Variants in SLC8A1 observed in about 807,000 individuals in gnomAD.
SLC8A1 encodes sodium/calcium exchanger 1.
SLC8A1 carries 18 observed loss-of-function variants against 68.3 expected under a neutral mutation model. The observed-to-expected ratio is 0.26, with a 90% confidence interval of 0.18 to 0.39. The LOEUF is 0.39. Ranked by LOEUF, SLC8A1 falls within the 10% of genes least tolerant of loss-of-function variation. The probability of loss-of-function intolerance (pLI) is 1.00; values close to 1 mark genes in which losing one functional copy is unlikely to be tolerated. For synonymous variants in SLC8A1, 475 were observed against 415.5 expected, an observed-to-expected ratio of 1.14 and a Z score of -1.74; for missense variants, 985 against 1,156.7, an observed-to-expected ratio of 0.85 and a Z score of 2.15.
chr2:40,299,234 A>G (rs1464189261), intron 2 of SLC8A1, among the ~76,000 whole-genome samples: 4 of 152,132 alleles, frequency 2.6e-5, no homozygotes, highest in Admixed American at 6.5e-5. Context: ...ATTTGTTTCT[A>G]CATCTCCTGG....
intron 2 of SLC8A1, among the ~76,000 whole-genome samples, chr2:40,240,459 A>C (rs557565492): frequency 3.9e-5 from 6 of 152,134 alleles, no homozygotes; most frequent in Non-Finnish European, 8.8e-5. Flanking sequence ...CATTATTTGG[A>C]TTGGTTAAGA....
intron 7 of SLC8A1, among the ~76,000 whole-genome samples, chr2:40,132,731 C>T (rs1439812198): frequency 6.6e-6 from 1 of 151,736 alleles, no homozygotes; most frequent in African/African-American, 2.4e-5. Flanking sequence ...AAAAAAATAT[C>T]ATTTTCAGGG....
chr2:40,210,455 G>A (rs941651979), intron 2 of SLC8A1, among the ~76,000 whole-genome samples: 13 of 152,284 alleles, frequency 8.5e-5, no homozygotes, highest in Non-Finnish European at 1.8e-4. Flanking sequence ...AGACTGGCAT[G>A]ACTTTTAAAC....
exon 2 of SLC8A1, chr2:40,429,117 C>T (rs1354680307): frequency 1.2e-6 from 2 of 1,613,066 alleles, no homozygotes; most frequent in Admixed American, 1.7e-5. Flanking sequence ...TGACAGCCTT[C>T]CTTGCTTGGT....
chr2:40,152,966 C>T (rs1054775426), intron 6 of SLC8A1, among the ~76,000 whole-genome samples: 3 of 151,812 alleles, frequency 2.0e-5, no homozygotes, highest in East Asian at 1.9e-4. Flanking sequence ...GGAGGAGACC[C>T]CATCTTTTTT....
At chr2:40,335,933 T>A (rs1665833271) in intron 2 of SLC8A1, among the ~76,000 whole-genome samples, 1 of 152,220 alleles carries the variant, frequency 6.6e-6, no homozygotes, top group African/African-American at 2.4e-5. Context: ...AGTTGGTATA[T>A]GAACCAAGTA....
intron 2 of SLC8A1, among the ~76,000 whole-genome samples, chr2:40,404,930 C>T (rs966750872): frequency 1.3e-5 from 2 of 152,128 alleles, no homozygotes; most frequent in African/African-American, 4.8e-5. Flanking sequence ...CCCATGAAAG[C>T]TTGTGGGTAA....
chr2:40,119,739 T>C (rs1278567630), intron 7 of SLC8A1, among the ~76,000 whole-genome samples: 1 of 152,244 alleles, frequency 6.6e-6, no homozygotes, highest in Non-Finnish European at 1.5e-5. Flanking sequence ...CCTTCATCTA[T>C]GTCCCTGGCT....
intron 2 of SLC8A1, among the ~76,000 whole-genome samples, chr2:40,339,386 C>G (rs895393429): frequency 6.6e-6 from 1 of 152,192 alleles, no homozygotes; most frequent in Non-Finnish European, 1.5e-5. Context: ...GTGAGCCTCT[C>G]TGATGAGCAG....
intron 2 of SLC8A1, among the ~76,000 whole-genome samples, chr2:40,390,402 C>T (rs1684901780): frequency 6.6e-6 from 1 of 152,052 alleles, no homozygotes; most frequent in Non-Finnish European, 1.5e-5. Context: ...CACCTGCTTC[C>T]TGCTAATTAT....
intron 2 of SLC8A1, among the ~76,000 whole-genome samples, chr2:40,414,954 C>T (rs1693354100): frequency 6.6e-6 from 1 of 152,012 alleles, no homozygotes; most frequent in African/African-American, 2.4e-5. Flanking sequence ...GAAAGAAGGC[C>T]ACAGACAGAT....
chr2:40,111,153 A>G (rs199932849), exon 8 of SLC8A1: 1 of 152,222 alleles, frequency 6.6e-6, no homozygotes, highest in East Asian at 1.9e-4. Flanking sequence ...TATGAACTAC[A>G]AAAAGCAAAA....
At chr2:40,329,060 TCACACACACACACACACACACACACA>T (rs70957170) in intron 2 of SLC8A1, among the ~76,000 whole-genome samples, 2 of 141,144 alleles carry the variant, frequency 1.4e-5, no homozygotes, top group Non-Finnish European at 3.1e-5. Flanking sequence ...CACTACAACC[TCACACACACACACACACACACACACA>T]CACACACACA....
chr2:40,107,296 A>AAAAAAAAAAAAAG (rs1558384318), exon 8 of SLC8A1: 2 of 135,248 alleles, frequency 1.5e-5, no homozygotes, highest in African/African-American at 5.1e-5. Flanking sequence ...AAAAAAAAAA[A>AAAAAAAAAAAAAG]AAAGAAAATG....
intron 2 of SLC8A1, among the ~76,000 whole-genome samples, chr2:40,315,486 T>A (rs1479478329): frequency 1.3e-5 from 2 of 148,964 alleles, no homozygotes; most frequent in East Asian, 2.0e-4. Flanking sequence ...CTGTTACAAC[T>A]GCTTTTGTAT....
chr2:40,111,546 T>TAAAA (rs1211111866), exon 8 of SLC8A1: 4 of 152,200 alleles, frequency 2.6e-5, no homozygotes, highest in African/African-American at 4.8e-5. Flanking sequence ...GGACAGATTC[T>TAAAA]ATTATAGTAA....
At chr2:40,161,745 C>G (rs1227348073) in intron 5 of SLC8A1, among the ~76,000 whole-genome samples, 2 of 152,198 alleles carry the variant, frequency 1.3e-5, no homozygotes, top group Non-Finnish European at 1.5e-5. Context: ...TTCCAAGACA[C>G]TAAGGCTGCT....
At chr2:40,370,320 G>T (rs1677622753) in intron 2 of SLC8A1, among the ~76,000 whole-genome samples, 1 of 152,018 alleles carries the variant, frequency 6.6e-6, no homozygotes, top group Non-Finnish European at 1.5e-5. Context: ...GAACCCTAGG[G>T]AATCAATTTA....
intron 2 of SLC8A1, chr2:40,190,002 T>C (rs1283136242): frequency 6.6e-6 from 1 of 152,170 alleles, no homozygotes; most frequent in African/African-American, 2.4e-5. Flanking sequence ...CCTCGGTCAT[T>C]ACTAACCTTT....
Sources: gnomAD v4.1 joint callset for allele counts (sites outside exome capture counted in the v4.1 genomes callset) on GRCh38, gnomAD v4.1.1 for gene constraint, MANE v1.5 for transcripts, NCBI Gene and HGNC (gene_info 2026-07-23, HGNC 2026-07-21) for gene names.